The following UPRT variants were observed in gnomAD, a reference collection of about 807,000 sequenced individuals.
UPRT encodes uracil phosphoribosyltransferase homolog.
A neutral mutation model predicts 22.6 loss-of-function variants in UPRT; 5 were observed. That is an observed-to-expected ratio of 0.22 (90% CI 0.12 to 0.47). UPRT has a LOEUF of 0.47. Ranked by LOEUF, UPRT falls within the 20% of genes least tolerant of loss-of-function variation. UPRT has a pLI of 0.99. For missense variants in UPRT, 181 were observed against 239.9 expected, an observed-to-expected ratio of 0.75 and a Z score of 1.62; for synonymous variants, 77 against 87.7, an observed-to-expected ratio of 0.88 and a Z score of 0.68.
chrX:75,220,441 T>C (rs190337095), intron 4 of UPRT, among the ~76,000 whole-genome samples: 1 of 111,473 alleles, frequency 9.0e-6, no homozygotes, highest in Non-Finnish European at 1.9e-5. Flanking sequence ...ACTCTTGCCA[T>C]TTATTTATTG....
At chrX:75,253,517 C>A (rs1016631235) in intron 4 of UPRT, among the ~76,000 whole-genome samples, 1 of 112,102 alleles carries the variant, frequency 8.9e-6, no homozygotes, top group Non-Finnish European at 1.9e-5. Context: ...TCTAAAAGAA[C>A]TAAAAACAGA....
At chrX:75,229,019 G>T (rs746365043) in intron 4 of UPRT, among the ~76,000 whole-genome samples, 12 of 111,985 alleles carry the variant, frequency 1.1e-4, no homozygotes, top group Non-Finnish European at 1.5e-4. Context: ...AGGTGGATTG[G>T]AGATATGTTG....
At chrX:75,261,125 G>A (rs1280956481) in intron 4 of UPRT, among the ~76,000 whole-genome samples, 1 of 111,799 alleles carries the variant, frequency 8.9e-6, no homozygotes, top group African/African-American at 3.3e-5. Context: ...GAAATTTATA[G>A]CACTAAATGC....
chrX:75,261,961 A>G (rs750030645), intron 4 of UPRT, among the ~76,000 whole-genome samples: 14 of 111,117 alleles, frequency 1.3e-4, no homozygotes, highest in Non-Finnish European at 2.5e-4. Flanking sequence ...TCGAGAAGAG[A>G]AACTCCAAGA....
chrX:75,303,479 C>T lies in UPRT; in HGVS notation c.898C>T (p.His300Tyr). 8.3e-7 allele frequency: 1 copy of T among 1,201,755 alleles called. No homozygotes were observed. Among genetic ancestry groups the T allele is most frequent in the Non-Finnish European group, 1.1e-6 (1 of 889,713 alleles). Residue 300 changes from histidine to tyrosine, a missense_variant, in exon 7 of 7, where the codon CAT becomes TAT. His to Tyr is a moderately conservative substitution (Grantham distance 83). Coordinates refer to ENST00000373383, the MANE Select transcript of UPRT (RefSeq NM_145052.4). ...TGAAGTTCATCCTGTTGCACCTACACATTTTGGACAGAAATACTTTGGAAC... is the reference window on the plus strand; with the variant it reads ...TGAAGTTCATCCTGTTGCACCTACATATTTTGGACAGAAATACTTTGGAAC... ...TTEVHPVAPT[H>Y]FGQKYFGTD
chrX:75,172,641 T>C (rs749924347), intron 4 of UPRT, among the ~76,000 whole-genome samples: 1 of 111,515 alleles, frequency 9.0e-6, no homozygotes, highest in East Asian at 2.8e-4. Flanking sequence ...CTGGAGTCTG[T>C]CCTTTTTGAT....
intron 4 of UPRT, among the ~76,000 whole-genome samples, chrX:75,197,148 T>C (rs372367569): frequency 1.6e-4 from 18 of 111,015 alleles, no homozygotes; most frequent in Non-Finnish European, 2.8e-4. Context: ...AAAGAAAAAA[T>C]AATCCTCCTT....
chrX:75,168,478 G>A (rs975627856), intron 4 of UPRT, among the ~76,000 whole-genome samples: 1 of 111,035 alleles, frequency 9.0e-6, no homozygotes, highest in African/African-American at 3.3e-5. Context: ...TAAAATTTCC[G>A]TAGGTTTTGG....
intron 4 of UPRT, among the ~76,000 whole-genome samples, chrX:75,241,444 G>C (rs1189008859): frequency 9.0e-6 from 1 of 111,613 alleles, no homozygotes; most frequent in East Asian, 2.8e-4. Flanking sequence ...CATGGATGTG[G>C]TGAAAAGGGA....
intron 6 of UPRT, 164 bp downstream of exon 6, chrX:75,301,129 G>C: frequency 2.6e-6 from 1 of 378,022 alleles, no homozygotes; most frequent in Non-Finnish European, 4.6e-6. Flanking sequence ...TAAGCTTAGT[G>C]ATAACATTTT....
intron 4 of UPRT, among the ~76,000 whole-genome samples, chrX:75,219,051 T>TA (rs200991685): frequency 1.2e-4 from 13 of 110,124 alleles, no homozygotes; most frequent in South Asian, 7.7e-4. Context: ...TAATAAAATT[T>TA]AAAAAAAAAG....
At chrX:75,248,797 G>A (rs1456344334) in intron 4 of UPRT, among the ~76,000 whole-genome samples, 1 of 111,684 alleles carries the variant, frequency 9.0e-6, no homozygotes, top group Non-Finnish European at 1.9e-5. Flanking sequence ...AAATGTTAAG[G>A]GCAGCCAGAG....
At chrX:75,260,588 C>G (rs974011633) in intron 4 of UPRT, among the ~76,000 whole-genome samples, 2 of 111,959 alleles carry the variant, frequency 1.8e-5, no homozygotes, top group African/African-American at 6.5e-5. Flanking sequence ...TACAGGAGCA[C>G]CCAGATTCAT....
At chrX:75,215,833 A>C (rs1314811941) in intron 4 of UPRT, among the ~76,000 whole-genome samples, 1 of 111,454 alleles carries the variant, frequency 9.0e-6, no homozygotes, top group East Asian at 2.8e-4. Flanking sequence ...AAAAGTTGAA[A>C]TTTAAAGAAA....
At position 75,303,433 on chromosome X, in the gene UPRT, A is replaced by G. The variant is rs766322922; in HGVS notation, c.852A>G (p.Pro284=). 4.1e-6 allele frequency: 5 copies of G among 1,205,530 alleles called. No homozygotes were observed. The East Asian group carries it at 1.5e-4, about 36-fold the overall frequency. The stretch of plus-strand genomic sequence containing the variant: ...CCAAATCAATCATTCAGGAGTTTCC[A>G]GAGATCACAATTTTAACTACTGAAG... ...HGAKSIIQEF[P]EITILTTEVH... Residue 284 remains proline (P), a synonymous_variant, in exon 7 of 7, where the codon CCA becomes CCG. Transcript: ENST00000373383.
chrX:75,186,017 T>C (rs1170948434), intron 4 of UPRT, among the ~76,000 whole-genome samples: 5 of 111,699 alleles, frequency 4.5e-5, no homozygotes, highest in Admixed American at 2.9e-4. Context: ...GTGTCTCTAT[T>C]TCCTTCAGTT....
chrX:75,222,538 C>G (rs1466604552), intron 4 of UPRT, among the ~76,000 whole-genome samples: 1 of 111,564 alleles, frequency 9.0e-6, no homozygotes, highest in South Asian at 3.8e-4. Context: ...CCTGAGCTGG[C>G]ACCTAACCAC....
intron 4 of UPRT, among the ~76,000 whole-genome samples, chrX:75,246,536 G>T (rs2082507100): frequency 9.0e-6 from 1 of 110,744 alleles, no homozygotes; most frequent in Non-Finnish European, 1.9e-5. Flanking sequence ...CCAAGTCTTT[G>T]CTATTGTGAA....
intron 1 of UPRT, among the ~76,000 whole-genome samples, chrX:75,157,181 G>A (rs1018183363): frequency 5.4e-5 from 6 of 111,836 alleles, no homozygotes; most frequent in Admixed American, 2.9e-4. Context: ...CTGAAACCCC[G>A]GAGACAATAA....
Sources: allele counts gnomAD v4.1 joint callset (sites outside exome capture counted in the v4.1 genomes callset), GRCh38; gene constraint gnomAD v4.1.1; transcripts MANE v1.5; gene names NCBI Gene and HGNC (gene_info 2026-07-23, HGNC 2026-07-21).